Variants in GYPE observed in about 807,000 individuals in gnomAD.
The protein encoded by GYPE is glycophorin E (MNS blood group).
GYPE carries 8 observed loss-of-function variants against 11.6 expected under a neutral mutation model. The ratio of observed to expected loss-of-function variants is 0.69; its 90% confidence interval spans 0.41 to 1.25. The LOEUF is 1.25. Ranked by LOEUF, GYPE falls within the 50% of genes most tolerant of loss-of-function variation. GYPE has a pLI of 0.01. For missense variants in GYPE, 90 were observed against 92.8 expected, an observed-to-expected ratio of 0.97 and a Z score of 0.12; for synonymous variants, 28 against 29.6, an observed-to-expected ratio of 0.94 and a Z score of 0.18.
At chr4:143,901,472 ATT>A (rs33930462) in intron 1 of GYPE, among the ~76,000 whole-genome samples, 5 of 151,534 alleles carry the variant, frequency 3.3e-5, no homozygotes, top group Admixed American at 6.6e-5. Context: ...TACACCCGGA[ATT>A]TTTTTTTCAA....
intron 1 of GYPE, among the ~76,000 whole-genome samples, chr4:143,893,262 C>A (rs1744484737): frequency 7.1e-6 from 1 of 140,146 alleles, no homozygotes; most frequent in African/African-American, 2.6e-5. Context: ...GACTCTTTAT[C>A]CAATTTGCCA....
At chr4:143,902,297 C>T (rs1744896831) in intron 1 of GYPE, among the ~76,000 whole-genome samples, 1 of 148,956 alleles carries the variant, frequency 6.7e-6, no homozygotes, top group Admixed American at 6.8e-5. Context: ...CTTTCCTGTG[C>T]CAATTAAATA....
At chr4:143,874,754 A>G (rs1269594660) in intron 3 of GYPE, among the ~76,000 whole-genome samples, 34 of 152,110 alleles carry the variant, frequency 2.2e-4, no homozygotes, top group African/African-American at 6.0e-4. Context: ...GGCATCCTGG[A>G]GTCCCTCAGA....
chr4:143,897,163 T>C (rs922407454), intron 1 of GYPE, among the ~76,000 whole-genome samples: 2 of 151,758 alleles, frequency 1.3e-5, no homozygotes, highest in African/African-American at 4.8e-5. Flanking sequence ...ATAATAATAA[T>C]AAAAAAAATT....
At chr4:143,874,465 A>C (rs1348428067) in intron 3 of GYPE, among the ~76,000 whole-genome samples, 1 of 152,212 alleles carries the variant, frequency 6.6e-6, no homozygotes, top group Non-Finnish European at 1.5e-5. Flanking sequence ...CAAAGCAGTC[A>C]CCTTGAGAGG....
chr4:143,905,365 T>A, intron 1 of GYPE, 106 bp downstream of exon 1: 1 of 1,551,732 alleles, frequency 6.4e-7, no homozygotes, highest in Non-Finnish European at 8.8e-7. Context: ...GAAATACTAC[T>A]CATTTATGCA....
At chr4:143,888,248 A>C (rs181168799) in intron 1 of GYPE, among the ~76,000 whole-genome samples, 315 of 19,636 alleles carry the variant, frequency 0.016, 19 homozygotes, top group African/African-American at 0.018. Context: ...AGAAACAATA[A>C]AAATAAAGTG....
At chr4:143,894,432 T>C (rs950485349) in intron 1 of GYPE, among the ~76,000 whole-genome samples, 1 of 151,952 alleles carries the variant, frequency 6.6e-6, no homozygotes, top group African/African-American at 2.4e-5. Context: ...TTTCCCCATC[T>C]TTGTGGTTTT....
chr4:143,875,945 A>C (rs1240443579), intron 3 of GYPE, among the ~76,000 whole-genome samples: 3 of 148,626 alleles, frequency 2.0e-5, no homozygotes, highest in South Asian at 2.2e-4. Context: ...CTTTGCACTC[A>C]AGCCTGGGTG....
At chr4:143,884,225 G>T (rs1744163148) in intron 1 of GYPE, among the ~76,000 whole-genome samples, 1 of 99,324 alleles carries the variant, frequency 1.0e-5, no homozygotes, top group Non-Finnish European at 2.2e-5. Context: ...CCCTATCTTT[G>T]CCTAACTACT....
chr4:143,898,030 C>G (rs1426491835), intron 1 of GYPE, among the ~76,000 whole-genome samples: 1 of 148,222 alleles, frequency 6.7e-6, no homozygotes, highest in African/African-American at 2.5e-5. Context: ...TTAATGAATT[C>G]ATATGGATTA....
At chr4:143,879,484 C>T (rs1391520517) in intron 2 of GYPE, among the ~76,000 whole-genome samples, 1 of 152,040 alleles carries the variant, frequency 6.6e-6, no homozygotes, top group Admixed American at 6.6e-5. Flanking sequence ...GGTATATGGG[C>T]TTTGGAGTAA....
intron 1 of GYPE, among the ~76,000 whole-genome samples, chr4:143,900,079 A>C (rs1434740925): frequency 6.6e-6 from 1 of 151,076 alleles, no homozygotes; most frequent in Non-Finnish European, 1.5e-5. Flanking sequence ...ACATAGAAAG[A>C]ACTCTTACAA....
intron 3 of GYPE, among the ~76,000 whole-genome samples, chr4:143,875,864 C>G (rs1405954847): frequency 6.6e-6 from 1 of 151,884 alleles, no homozygotes; most frequent in African/African-American, 2.4e-5. Flanking sequence ...GTCCCAACTA[C>G]TGTGGAGGCT....
At chr4:143,880,214 A>G (rs1161393521) in intron 2 of GYPE, among the ~76,000 whole-genome samples, 197 bp downstream of exon 2, 1 of 152,202 alleles carries the variant, frequency 6.6e-6, no homozygotes, top group African/African-American at 2.4e-5. Context: ...TTTAACTCAC[A>G]GTATTATTTC....
rs747582214 is a variant in GYPE at position 143,871,981 on chromosome 4, C to T, written c.*281G>A. On this transcript the variant is annotated 3_prime_UTR_variant, in exon 4 of 4. Transcript: ENST00000358615. ...CCCCTAGGCAAGGGGACACCAAACA[C>T]AATGAGGCATGGGATAAGGATTTCG... is the stretch of plus-strand genomic sequence containing the variant. 6.6e-6 allele frequency: 1 copy of T among 152,128 alleles called. No homozygotes were observed. The highest frequency in any genetic ancestry group is 2.4e-5 in the African/African-American group (1 of 41,412). The allele number at this position is 152,128 out of a possible 1,614,324, so 9.4% of individuals were successfully genotyped here. A position where few individuals can be genotyped will look rare whatever the true frequency, so the allele number is the denominator to read the frequency against.
intron 1 of GYPE, among the ~76,000 whole-genome samples, chr4:143,904,420 A>C (rs1183201276): frequency 6.6e-6 from 1 of 152,176 alleles, no homozygotes; most frequent in Non-Finnish European, 1.5e-5. Flanking sequence ...ACACATAAAA[A>C]TGTGGGCACA....
At chr4:143,891,776 A>G (rs1744416282) in intron 1 of GYPE, among the ~76,000 whole-genome samples, 1 of 152,174 alleles carries the variant, frequency 6.6e-6, no homozygotes, top group South Asian at 2.1e-4. Context: ...AACCCAATCA[A>G]CAGTGCTACA....
At position 143,883,975 on chromosome 4, in the gene GYPE, A is replaced by G. The variant is rs555690808; in HGVS notation, c.38-3466T>C. 7.9e-5 allele frequency among the ~76,000 whole-genome samples: 12 copies of G among 152,210 alleles called. No individual in the cohort carries two copies. In the South Asian group the frequency reaches 8.3e-4, roughly 11 times the overall value. On this transcript the variant is annotated intron_variant, in intron 1 of 3. Coordinates refer to ENST00000358615, the MANE Select transcript of GYPE (RefSeq NM_198682.3). ...TAGGGACTACCTGAGTCAGAATTCC[A>G]GGGGTTCAGGTAGAGAGGTGTTTTC...
Sources: allele counts gnomAD v4.1 joint callset (sites outside exome capture counted in the v4.1 genomes callset), GRCh38; gene constraint gnomAD v4.1.1; transcripts MANE v1.5; gene names NCBI Gene and HGNC (gene_info 2026-07-23, HGNC 2026-07-21).